LRRC37A2: variants seen among roughly 807,000 people sequenced by gnomAD.
LRRC37A2 encodes leucine-rich repeat-containing protein 37A2.
A neutral mutation model predicts 68.8 loss-of-function variants in LRRC37A2; 9 were observed. The ratio of observed to expected loss-of-function variants is 0.13; its 90% CI spans 0.08 to 0.23. The LOEUF (loss-of-function observed/expected upper bound fraction) is 0.23. LRRC37A2 is among the 10% of genes least tolerant of loss of function. The probability of loss-of-function intolerance (pLI) is 1.00; values close to 1 mark genes in which losing one functional copy is unlikely to be tolerated. For missense variants in LRRC37A2, 168 were observed against 950.4 expected (o/e 0.18, Z 10.82); for synonymous variants, 63 against 367.6 (o/e 0.17, Z 9.48).
At chr17:46,733,673 T>C in the LRRC37A2 span, among the ~76,000 whole-genome samples, 1 of 152,222 alleles carries the variant, frequency 6.6e-6, no homozygotes, top group South Asian at 2.1e-4. Context: ...GCCAGGGCTC[T>C]AGCCTTCCCA....
chr17:46,970,706 G>A, the LRRC37A2 span, among the ~76,000 whole-genome samples: 7 of 152,160 alleles, frequency 4.6e-5, no homozygotes, highest in East Asian at 1.9e-4. Context: ...TCAGAGACCC[G>A]GAAACAGCAT....
the LRRC37A2 span, among the ~76,000 whole-genome samples, chr17:46,703,579 G>A: frequency 2.0e-5 from 3 of 149,442 alleles, no homozygotes; most frequent in Non-Finnish European, 4.4e-5. Flanking sequence ...CTACTCGGGA[G>A]GCTGAGGCAG....
chr17:46,853,363 C>CT, the LRRC37A2 span, among the ~76,000 whole-genome samples: 14,007 of 78,758 alleles, frequency 0.18, 2,801 homozygotes, highest in East Asian at 0.36. Flanking sequence ...ATGCTAGTGA[C>CT]TTTTTTTTTT....
the LRRC37A2 span, chr17:46,917,096 A>T: frequency 9.9e-5 from 15 of 152,088 alleles, no homozygotes; most frequent in Admixed American, 2.0e-4. Flanking sequence ...CCTGCCCCCC[A>T]GCCAAATTTA....
chr17:46,750,947 AC>A, the LRRC37A2 span, among the ~76,000 whole-genome samples: 42 of 152,344 alleles, frequency 2.8e-4, no homozygotes, highest in African/African-American at 9.6e-4. Context: ...TTAAAAAAGA[AC>A]GTTCTTCATT....
the LRRC37A2 span, chr17:46,932,233 C>G: frequency 6.2e-7 from 1 of 1,612,970 alleles, no homozygotes; most frequent in Non-Finnish European, 8.5e-7. Context: ...TCGGCCTGCA[C>G]TTGACAGATC....
chr17:46,997,371 A>AG, the LRRC37A2 span, among the ~76,000 whole-genome samples: 2 of 152,176 alleles, frequency 1.3e-5, no homozygotes, highest in Non-Finnish European at 2.9e-5. Context: ...CCAAAAAAAA[A>AG]GAATATCACC....
chr17:46,988,696 G>A, the LRRC37A2 span, among the ~76,000 whole-genome samples: 1 of 152,148 alleles, frequency 6.6e-6, no homozygotes, highest in Non-Finnish European at 1.5e-5. Flanking sequence ...AGGTGACCGT[G>A]GGATGTGCAC....
At chr17:46,839,523 T>TAC in the LRRC37A2 span, among the ~76,000 whole-genome samples, 1 of 150,834 alleles carries the variant, frequency 6.6e-6, no homozygotes, top group Non-Finnish European at 1.5e-5. Context: ...GTAAATTCTT[T>TAC]ATATATATAT....
the LRRC37A2 span, among the ~76,000 whole-genome samples, chr17:46,858,455 C>A: frequency 1.3e-5 from 2 of 151,704 alleles, no homozygotes; most frequent in Non-Finnish European, 2.9e-5. Context: ...TTTCTTCCTA[C>A]GTTTTCTCCT....
chr17:46,965,797 AT>A, the LRRC37A2 span, among the ~76,000 whole-genome samples: 7,493 of 137,436 alleles, frequency 0.055, 211 homozygotes, highest in Admixed American at 0.12. Flanking sequence ...TAATTTTTGT[AT>A]TTTTTTTTTT....
the LRRC37A2 span, among the ~76,000 whole-genome samples, chr17:46,975,892 A>G: frequency 4.6e-4 from 69 of 151,462 alleles, no homozygotes; most frequent in East Asian, 4.5e-3. Flanking sequence ...GAAGAAAGAT[A>G]AAGGAAGGAA....
the LRRC37A2 span, among the ~76,000 whole-genome samples, chr17:46,712,371 A>G: frequency 9.1e-4 from 138 of 152,204 alleles, no homozygotes; most frequent in African/African-American, 3.1e-3. Context: ...TGTTGTCTCT[A>G]TTTTGTAGGT....
chr17:46,738,943 A>G, the LRRC37A2 span, among the ~76,000 whole-genome samples: 1 of 152,028 alleles, frequency 6.6e-6, no homozygotes, highest in Non-Finnish European at 1.5e-5. Context: ...CTCTACTAAA[A>G]ATACAAAAAA....
At chr17:46,978,792 C>T in the LRRC37A2 span, 12 of 1,611,872 alleles carry the variant, frequency 7.4e-6, no homozygotes, top group Non-Finnish European at 1.0e-5. Context: ...GCACGCAGAG[C>T]ACGGCGATCT....
chr17:46,909,223 G>T, the LRRC37A2 span, among the ~76,000 whole-genome samples: 1 of 152,014 alleles, frequency 6.6e-6, no homozygotes. Context: ...TAGAGATGAG[G>T]TTTCGCTATG....
chr17:46,815,417 G>A, the LRRC37A2 span, among the ~76,000 whole-genome samples: 2 of 152,154 alleles, frequency 1.3e-5, no homozygotes, highest in Non-Finnish European at 2.9e-5. Context: ...GAGGGTCCGC[G>A]TGGACAGAAA....
At chr17:46,724,552 T>C in the LRRC37A2 span, among the ~76,000 whole-genome samples, 1 of 152,184 alleles carries the variant, frequency 6.6e-6, no homozygotes, top group Admixed American at 6.5e-5. Context: ...CCCATAGTTA[T>C]GCCTAACTTC....
chr17:46,802,646 G>T, the LRRC37A2 span, among the ~76,000 whole-genome samples: 1 of 152,114 alleles, frequency 6.6e-6, no homozygotes. Context: ...AGATTAAGTT[G>T]ATCACTAGTG....
Sources: gnomAD v4.1 joint callset for allele counts (sites outside exome capture counted in the v4.1 genomes callset) on GRCh38, gnomAD v4.1.1 for gene constraint, MANE v1.5 for transcripts, NCBI Gene and HGNC (gene_info 2026-07-23, HGNC 2026-07-21) for gene names.